Variants in TRPC4 observed in about 807,000 individuals in gnomAD.
TRPC4 encodes the protein transient receptor potential cation channel subfamily C member 4, also known as short transient receptor potential channel 4.
A neutral mutation model predicts 99.4 loss-of-function variants in TRPC4; 49 were observed. The ratio of observed to expected loss-of-function variants is 0.49; its 90% confidence interval spans 0.39 to 0.63. TRPC4 has a LOEUF of 0.63. Ranked by LOEUF, TRPC4 falls within the 20% of genes least tolerant of loss-of-function variation. TRPC4 has a pLI of 0.00. For missense variants in TRPC4, 898 were observed against 1,152.9 expected (o/e 0.78, Z 3.20); for synonymous variants, 454 against 425.9 (o/e 1.07, Z -0.81).
At chr13:37,717,281 G>C (rs530909142) in intron 3 of TRPC4, among the ~76,000 whole-genome samples, 56 of 152,256 alleles carry the variant, frequency 3.7e-4, no homozygotes, top group African/African-American at 1.3e-3. Flanking sequence ...TTTTAGAATA[G>C]AGGACTATTT....
At chr13:37,768,663 A>AAAAC (rs1555269348) in intron 2 of TRPC4, among the ~76,000 whole-genome samples, 2 of 142,662 alleles carry the variant, frequency 1.4e-5, no homozygotes, top group Non-Finnish European at 1.6e-5. Flanking sequence ...CACACATACG[A>AAAAC]ACACACACGC....
Position 37,764,874 on chromosome 13 carries a change from G to A in TRPC4, c.378+18082C>T, listed in dbSNP as rs540736818. Among the ~76,000 whole-genome samples, 4 of 148,258 alleles carry A rather than the reference G, an allele frequency of 2.7e-5. 1 individual carries two copies. In the South Asian group the frequency reaches 8.5e-4, roughly 32 times the overall value. On this transcript the variant is annotated intron_variant, in intron 2 of 10. Transcript: ENST00000379705. Reference sequence around the variant, plus strand: ...GTTTCTTTCACCTTTATCTGTTAAGGCAGTGAAATAAATTACTATATTTTT... The same window carrying A: ...GTTTCTTTCACCTTTATCTGTTAAGACAGTGAAATAAATTACTATATTTTT...
At chr13:37,844,916 C>T (rs1292706319) in intron 1 of TRPC4, among the ~76,000 whole-genome samples, 2 of 152,122 alleles carry the variant, frequency 1.3e-5, no homozygotes, top group East Asian at 3.9e-4. Flanking sequence ...GCAAATGGCC[C>T]TTCCCAACTG....
intron 3 of TRPC4, among the ~76,000 whole-genome samples, chr13:37,732,933 T>C (rs911745519): frequency 1.3e-5 from 2 of 151,910 alleles, no homozygotes; most frequent in African/African-American, 4.8e-5. Flanking sequence ...TTCACAAAAT[T>C]AGAAAAAGCA....
In TRPC4 at chr13:37,856,592, A is replaced by T. The variant is rs376297285; in HGVS notation, c.-28+13003T>A. ...ACACATTAAAAAAAAAGAAAACTGC[A>T]GGCCAATATCTCTGATGAATATTGA... On this transcript the variant is annotated intron_variant, in intron 1 of 10. Coordinates refer to ENST00000379705, the MANE Select transcript of TRPC4 (RefSeq NM_016179.4). 2.0e-5 allele frequency among the ~76,000 whole-genome samples: 3 copies of T among 151,750 alleles called. No individual in the cohort carries two copies. In the East Asian group the frequency reaches 5.8e-4, roughly 29 times the overall value.
chr13:37,788,787 G>T (rs941500928), intron 1 of TRPC4, among the ~76,000 whole-genome samples: 1 of 151,872 alleles, frequency 6.6e-6, no homozygotes. Flanking sequence ...TAAAATCTAC[G>T]TTGCCAGACC....
intron 2 of TRPC4, among the ~76,000 whole-genome samples, chr13:37,767,275 A>G (rs1223568705): frequency 6.6e-6 from 1 of 151,216 alleles, no homozygotes; most frequent in Non-Finnish European, 1.5e-5. Flanking sequence ...TTAAAATGTC[A>G]AAAGAAAAAA....
intron 4 of TRPC4, among the ~76,000 whole-genome samples, chr13:37,680,041 GCCACCAGTTAATGAAGAAAGCA>G (rs1188327118): frequency 6.6e-6 from 1 of 152,178 alleles, no homozygotes; most frequent in Non-Finnish European, 1.5e-5. Flanking sequence ...AGAATGTGAT[GCCACCAGTTAATGAAGAAAGCA>G]CGACTGGATC....
intron 2 of TRPC4, among the ~76,000 whole-genome samples, chr13:37,752,964 C>T (rs1357097509): frequency 7.3e-6 from 1 of 137,592 alleles, no homozygotes; most frequent in Non-Finnish European, 1.6e-5. Flanking sequence ...GAAAATTCCT[C>T]TCTTTCTCCC....
At chr13:37,813,743 T>G (rs1375833370) in intron 1 of TRPC4, among the ~76,000 whole-genome samples, 1 of 151,818 alleles carries the variant, frequency 6.6e-6, no homozygotes, top group Non-Finnish European at 1.5e-5. Flanking sequence ...TTAAAATAAC[T>G]TCACCAAGAA....
chr13:37,665,645 G>C lies in TRPC4; in HGVS notation c.1375-1916C>G, dbSNP rs148573140. On this transcript the variant is annotated intron_variant, in intron 5 of 10. Coordinates refer to ENST00000379705, the MANE Select transcript of TRPC4 (RefSeq NM_016179.4). ...ATTAATTCTGTCTGGGGCTTCTGAG[G>C]CTAGGAATGGTGAGAGATGATGTAT... Among the ~76,000 whole-genome samples, 43 of 152,156 alleles carry C rather than the reference G, an allele frequency of 2.8e-4. No homozygotes were observed. The East Asian group carries it at 8.0e-3, about 28-fold the overall frequency.
intron 1 of TRPC4, among the ~76,000 whole-genome samples, chr13:37,860,903 T>C (rs1221305631): frequency 6.6e-6 from 1 of 151,650 alleles, no homozygotes; most frequent in East Asian, 1.9e-4. Context: ...GTCTTCGGTT[T>C]ACTTATGTAT....
At chr13:37,826,544 G>A (rs1593268922) in intron 1 of TRPC4, among the ~76,000 whole-genome samples, 2 of 150,618 alleles carry the variant, frequency 1.3e-5, no homozygotes, top group Admixed American at 6.6e-5. Flanking sequence ...GCTTAGTTTG[G>A]CTGGATATGA....
At chr13:37,844,208 T>G (rs1398843387) in intron 1 of TRPC4, among the ~76,000 whole-genome samples, 2 of 152,156 alleles carry the variant, frequency 1.3e-5, no homozygotes, top group Admixed American at 6.5e-5. Context: ...TACTCTATAT[T>G]TGGGCTGATA....
chr13:37,831,818 C>G (rs1403814533), intron 1 of TRPC4, among the ~76,000 whole-genome samples: 1 of 152,036 alleles, frequency 6.6e-6, no homozygotes, highest in Admixed American at 6.6e-5. Context: ...TGACTTATAG[C>G]TGGAACCTGA....
intron 1 of TRPC4, among the ~76,000 whole-genome samples, chr13:37,802,090 T>A (rs2139434635): frequency 6.6e-6 from 1 of 152,278 alleles, no homozygotes; most frequent in African/African-American, 2.4e-5. Context: ...GGGTTTAAAA[T>A]ACTTTCACTG....
rs929606499 is a variant in TRPC4, at chr13:37,808,382, T to C, written c.-27-25022A>G. On this transcript the variant is annotated intron_variant, in intron 1 of 10. Coordinates refer to ENST00000379705, the MANE Select transcript of TRPC4 (RefSeq NM_016179.4). ...ATGGCTAATGTAGAAAAAAGAGGGG[T>C]ATCCCACGTTAATGATTAAGTAATT... 2.0e-5 allele frequency among the ~76,000 whole-genome samples: 3 copies of C among 152,016 alleles called. No individual in the cohort carries two copies. In the East Asian group the frequency reaches 5.8e-4, roughly 29 times the overall value.
At chr13:37,868,306 T>C (rs995821747) in intron 1 of TRPC4, among the ~76,000 whole-genome samples, 2 of 151,822 alleles carry the variant, frequency 1.3e-5, no homozygotes, top group Non-Finnish European at 2.9e-5. Context: ...TTTTCCCCCC[T>C]TAAACATTTA....
intron 1 of TRPC4, among the ~76,000 whole-genome samples, chr13:37,826,600 T>C (rs1308403289): frequency 7.9e-5 from 12 of 152,020 alleles, no homozygotes; most frequent in East Asian, 1.9e-4. Context: ...TGAATATTGG[T>C]CCCCACTCTC....
Sources: allele counts gnomAD v4.1 joint callset (sites outside exome capture counted in the v4.1 genomes callset), GRCh38; gene constraint gnomAD v4.1.1; transcripts MANE v1.5; gene names NCBI Gene and HGNC (gene_info 2026-07-23, HGNC 2026-07-21).